The following ESRRG variants were observed in gnomAD, a reference collection of about 807,000 sequenced individuals.
ESRRG encodes the protein estrogen related receptor gamma.
A neutral mutation model predicts 44.0 loss-of-function variants in ESRRG; 13 were observed. The ratio of observed to expected loss-of-function variants is 0.30; its 90% CI spans 0.19 to 0.47. ESRRG has a LOEUF of 0.47. ESRRG is among the 20% of genes least tolerant of loss of function. The pLI, the probability that ESRRG is intolerant of heterozygous loss-of-function variation, is 1.00. For synonymous variants in ESRRG, 215 were observed against 214.6 expected, an observed-to-expected ratio of 1.00 and a Z score of -0.02; for missense variants, 395 against 580.6, an observed-to-expected ratio of 0.68 and a Z score of 3.29.
intron 1 of ESRRG, among the ~76,000 whole-genome samples, chr1:217,059,850 G>A (rs2087961766): frequency 6.6e-6 from 1 of 152,028 alleles, no homozygotes; most frequent in South Asian, 2.1e-4. Flanking sequence ...GAAATAAAAG[G>A]AATTAAGGAG....
chr1:217,010,516 T>C (rs2078409806), intron 1 of ESRRG, among the ~76,000 whole-genome samples: 1 of 152,194 alleles, frequency 6.6e-6, no homozygotes, highest in African/African-American at 2.4e-5. Flanking sequence ...ATTACCATTG[T>C]GATTTGCGGG....
chr1:216,679,063 C>T (rs1314760629), intron 1 of ESRRG, among the ~76,000 whole-genome samples: 3 of 152,194 alleles, frequency 2.0e-5, no homozygotes, highest in South Asian at 2.1e-4. Flanking sequence ...AGATATTTCA[C>T]TTTGAGAAAT....
At chr1:216,686,630 TA>T (rs5780908) in intron 1 of ESRRG, among the ~76,000 whole-genome samples, 12 of 150,524 alleles carry the variant, frequency 8.0e-5, no homozygotes, top group Admixed American at 1.3e-4. Context: ...AAAAATCAAC[TA>T]AAAAAAAAGA....
intron 2 of ESRRG, among the ~76,000 whole-genome samples, chr1:216,654,618 A>G (rs1021140304): frequency 6.7e-6 from 1 of 148,858 alleles, no homozygotes; most frequent in African/African-American, 2.4e-5. Flanking sequence ...AATAAGAGCG[A>G]AACTCTGTTT....
chr1:216,751,112 C>T (rs748089221), intron 2 of ESRRG, among the ~76,000 whole-genome samples: 1 of 152,078 alleles, frequency 6.6e-6, no homozygotes, highest in Admixed American at 6.6e-5. Context: ...TTTTGGCATG[C>T]CAGATTGAAA....
At chr1:216,516,431 C>T (rs758311646) in intron 6 of ESRRG, among the ~76,000 whole-genome samples, 1 of 151,798 alleles carries the variant, frequency 6.6e-6, no homozygotes, top group African/African-American at 2.4e-5. Flanking sequence ...TGCCTGTTTT[C>T]CAAGCATAAG....
At chr1:216,777,757 A>C (rs1410787644) in intron 2 of ESRRG, among the ~76,000 whole-genome samples, 2 of 152,108 alleles carry the variant, frequency 1.3e-5, no homozygotes, top group African/African-American at 2.4e-5. Context: ...TCTTATACAC[A>C]CACATAACAC....
At chr1:216,510,850 G>T (rs1332894326) in intron 6 of ESRRG, among the ~76,000 whole-genome samples, 1 of 152,076 alleles carries the variant, frequency 6.6e-6, no homozygotes, top group Non-Finnish European at 1.5e-5. Context: ...CTCCAGCCTG[G>T]GCGACAGAGC....
At chr1:216,652,379 T>C (rs2069220531) in intron 2 of ESRRG, among the ~76,000 whole-genome samples, 1 of 152,180 alleles carries the variant, frequency 6.6e-6, no homozygotes, top group Non-Finnish European at 1.5e-5. Flanking sequence ...AATATCACAT[T>C]AGTGGATTGC....
intron 1 of ESRRG, among the ~76,000 whole-genome samples, chr1:217,125,099 C>T (rs1485379282): frequency 1.3e-5 from 2 of 152,172 alleles, no homozygotes; most frequent in Admixed American, 6.5e-5. Flanking sequence ...CAAGTCTGCC[C>T]ATTCCCTATC....
chr1:216,629,960 A>C (rs2063841710), intron 3 of ESRRG, among the ~76,000 whole-genome samples: 1 of 152,134 alleles, frequency 6.6e-6, no homozygotes, highest in Non-Finnish European at 1.5e-5. Context: ...TTAAAAGAAA[A>C]AGGGCCACAT....
At chr1:216,827,398 C>A (rs78384494) in intron 2 of ESRRG, among the ~76,000 whole-genome samples, 1 of 152,142 alleles carries the variant, frequency 6.6e-6, no homozygotes, top group African/African-American at 2.4e-5. Context: ...CTTCTGATTT[C>A]TAGCATCTGA....
At chr1:216,534,557 A>G (rs1232702161) in intron 5 of ESRRG, among the ~76,000 whole-genome samples, 2 of 152,190 alleles carry the variant, frequency 1.3e-5, no homozygotes, top group African/African-American at 4.8e-5. Flanking sequence ...AGGCAGGGAA[A>G]ATAACATTGT....
intron 1 of ESRRG, among the ~76,000 whole-genome samples, chr1:217,058,086 A>T (rs1383766473): frequency 1.3e-5 from 2 of 152,186 alleles, no homozygotes; most frequent in African/African-American, 4.8e-5. Flanking sequence ...TTGAAATGAT[A>T]TTGAAAAGCT....
chr1:216,652,201 T>C (rs2069170408), intron 2 of ESRRG, among the ~76,000 whole-genome samples: 1 of 152,210 alleles, frequency 6.6e-6, no homozygotes, highest in African/African-American at 2.4e-5. Context: ...GCTCCATGTT[T>C]GCAAAACTCA....
intron 2 of ESRRG, among the ~76,000 whole-genome samples, chr1:216,799,223 A>C (rs1039771056): frequency 2.0e-5 from 3 of 152,080 alleles, no homozygotes; most frequent in Non-Finnish European, 4.4e-5. Context: ...TATTCTCTTG[A>C]CTCAGGAATT....
intron 5 of ESRRG, among the ~76,000 whole-genome samples, chr1:216,533,313 G>A (rs936021983): frequency 7.2e-5 from 11 of 152,058 alleles, no homozygotes; most frequent in African/African-American, 2.4e-4. Context: ...TGCTGCATTC[G>A]CAGGATAATA....
chr1:216,916,834 C>CTTTTTTT lies in ESRRG; in HGVS notation c.-14+22741_-14+22747dup, dbSNP rs749847047. Among the ~76,000 whole-genome samples the CTTTTTTT allele has an allele frequency of 4.2e-4, 26 of 62,478 alleles. 4 individuals are homozygous for CTTTTTTT. Among genetic ancestry groups the CTTTTTTT allele is most frequent in the South Asian group, 6.4e-4 (1 of 1,558 alleles). 41.0% of individuals were successfully genotyped at this position (62,478 alleles called of 152,430 possible). On this transcript the variant is annotated intron_variant, in intron 2 of 7. Transcript: ENST00000359162. Reference sequence around the variant, plus strand: ...GGTTCAAATTCCACTCAGCTTTGGTCTTTTTTTTTTTTTTTTTTTTTTTTT... The same window carrying CTTTTTTT: ...GGTTCAAATTCCACTCAGCTTTGGTCTTTTTTTTTTTTTTTTTTTTTTTTTTTTTTTT...
chr1:216,535,725 C>G (rs555891415), intron 5 of ESRRG, among the ~76,000 whole-genome samples: 18 of 151,904 alleles, frequency 1.2e-4, no homozygotes, highest in Non-Finnish European at 2.5e-4. Context: ...CCTCAAGTTC[C>G]ATTCCTTCAT....
Sources: gnomAD v4.1 joint callset for allele counts (sites outside exome capture counted in the v4.1 genomes callset) on GRCh38, gnomAD v4.1.1 for gene constraint, MANE v1.5 for transcripts, NCBI Gene and HGNC (gene_info 2026-07-23, HGNC 2026-07-21) for gene names.